Variants in TBC1D19 observed in about 807,000 individuals in gnomAD.
TBC1D19 encodes the protein TBC1 domain family, member 19.
In TBC1D19, 60 loss-of-function variants were observed where a neutral mutation model predicts 89.0. The ratio of observed to expected loss-of-function variants is 0.67; its 90% CI spans 0.55 to 0.84. The LOEUF (loss-of-function observed/expected upper bound fraction) is 0.84. TBC1D19 is among the 40% of genes least tolerant of loss of function. TBC1D19 has a pLI of 0.00. For synonymous variants in TBC1D19, 189 were observed against 199.7 expected (o/e 0.95, Z 0.45); for missense variants, 500 against 610.8 (o/e 0.82, Z 1.91).
chr4:26,744,939 AT>A (rs1363250816), intron 18 of TBC1D19, among the ~76,000 whole-genome samples: 1 of 152,120 alleles, frequency 6.6e-6, no homozygotes, highest in African/African-American at 2.4e-5. Flanking sequence ...TACTTTTTCT[AT>A]TAATTATTGA....
At chr4:26,780,904 C>T in the TBC1D19 span, among the ~76,000 whole-genome samples, 1 of 152,172 alleles carries the variant, frequency 6.6e-6, no homozygotes, top group African/African-American at 2.4e-5. Context: ...TGGAGATTTG[C>T]CATCTATGAG....
chr4:26,714,568 C>A (rs1716454821), intron 13 of TBC1D19, among the ~76,000 whole-genome samples: 1 of 152,016 alleles, frequency 6.6e-6, no homozygotes, highest in African/African-American at 2.4e-5. Flanking sequence ...TCACCAGTGG[C>A]AAATTCAGCA....
At chr4:26,641,953 A>C (rs993274793) in intron 7 of TBC1D19, among the ~76,000 whole-genome samples, 2 of 152,264 alleles carry the variant, frequency 1.3e-5, no homozygotes, top group Admixed American at 6.5e-5. Context: ...TCTACATTTG[A>C]TTGGTATACC....
intron 13 of TBC1D19, among the ~76,000 whole-genome samples, chr4:26,701,184 C>G (rs1177338262): frequency 6.6e-6 from 1 of 152,120 alleles, no homozygotes; most frequent in Non-Finnish European, 1.5e-5. Context: ...CTTCATTTCT[C>G]AATTTTGGAC....
Position 26,717,936 on chromosome 4 carries a change from T to C in TBC1D19, c.958T>C (p.Leu320=). The C allele has an allele frequency of 6.2e-7, 1 of 1,611,244 alleles. No homozygotes were observed. Among genetic ancestry groups the C allele is most frequent in the Non-Finnish European group, 8.5e-7 (1 of 1,178,262 alleles). ...FVFEDYLYQV[L]LCFSRDTSVL... ...TTTTTTCCAATGTTATATTCAGGTA[T>C]TACTTTGTTTTTCCCGGGATACATC... is the stretch of plus-strand genomic sequence containing the variant. Residue 320 remains leucine, a synonymous_variant, in exon 14 of 21, where the codon TTA becomes CTA. Coordinates refer to ENST00000264866, the MANE Select transcript of TBC1D19 (RefSeq NM_018317.4).
chr4:26,759,437 AACTT>A (rs1220739949), downstream of TBC1D19, among the ~76,000 whole-genome samples: 2 of 152,226 alleles, frequency 1.3e-5, no homozygotes, highest in African/African-American at 4.8e-5. Context: ...CATTTAAGTT[AACTT>A]TATTAAGTAT....
At chr4:26,840,789 A>C in the TBC1D19 span, among the ~76,000 whole-genome samples, 1 of 152,134 alleles carries the variant, frequency 6.6e-6, no homozygotes, top group Non-Finnish European at 1.5e-5. Context: ...ATGTTTTGTG[A>C]GTGAAATACG....
chr4:26,659,880 A>G (rs1253215424), intron 8 of TBC1D19, among the ~76,000 whole-genome samples, 173 bp downstream of exon 8: 1 of 152,214 alleles, frequency 6.6e-6, no homozygotes, highest in Non-Finnish European at 1.5e-5. Flanking sequence ...TTGTTTTGCT[A>G]ATAGAACTAA....
chr4:26,814,587 C>T, the TBC1D19 span, among the ~76,000 whole-genome samples: 32 of 152,348 alleles, frequency 2.1e-4, no homozygotes, highest in Admixed American at 1.4e-3. Context: ...TGGGCAGAAG[C>T]ACAGTGCTTT....
chr4:26,765,738 G>A, the TBC1D19 span, among the ~76,000 whole-genome samples: 1 of 152,110 alleles, frequency 6.6e-6, no homozygotes, highest in Non-Finnish European at 1.5e-5. Context: ...AGCAGGAGTT[G>A]TGGTAGTCTC....
intron 15 of TBC1D19, among the ~76,000 whole-genome samples, chr4:26,726,825 G>A (rs954641512): frequency 3.3e-5 from 5 of 152,186 alleles, no homozygotes; most frequent in African/African-American, 9.7e-5. Flanking sequence ...GAAATGAAGA[G>A]AATATTTAAT....
At position 26,718,056 on chromosome 4, in the gene TBC1D19, C is replaced by T. The variant is rs752675671; in HGVS notation, c.1039+39C>T. The T allele has an allele frequency of 2.1e-6, 3 of 1,437,410 alleles. No homozygotes were observed. The Admixed American group carries it at 5.2e-5, about 25-fold the overall frequency. The allele number at this position is 1,437,410 out of a possible 1,614,324, so 89.0% of individuals were successfully genotyped here. A position where few individuals can be genotyped will look rare whatever the true frequency, so the allele number is the denominator to read the frequency against. On this transcript the variant is annotated intron_variant, in intron 14 of 20. Coordinates refer to ENST00000264866, the MANE Select transcript of TBC1D19 (RefSeq NM_018317.4). ...AATTTTAAGGAAGTATTAAGACTTA[C>T]ATAATCATGCCAAGAATATTTGTTT...
intron 13 of TBC1D19, among the ~76,000 whole-genome samples, chr4:26,711,124 C>G (rs1372624884): frequency 6.6e-6 from 1 of 152,002 alleles, no homozygotes; most frequent in Admixed American, 6.6e-5. Context: ...CATGGTATTG[C>G]CTAGGTTTTC....
intron 13 of TBC1D19, chr4:26,702,262 G>A (rs1715390833): frequency 6.6e-6 from 1 of 152,150 alleles, no homozygotes; most frequent in Admixed American, 6.6e-5. Context: ...ACTAATAAGT[G>A]GATGCATATT....
intron 1 of TBC1D19, among the ~76,000 whole-genome samples, chr4:26,595,428 T>C (rs1740146129): frequency 6.6e-6 from 1 of 152,224 alleles, no homozygotes; most frequent in Admixed American, 6.5e-5. Context: ...GAAGTCTGAT[T>C]GATCAATTGT....
At chr4:26,622,517 C>G (rs1742124290) in intron 4 of TBC1D19, among the ~76,000 whole-genome samples, 1 of 152,086 alleles carries the variant, frequency 6.6e-6, no homozygotes, top group African/African-American at 2.4e-5. Context: ...CCTCTCTTTT[C>G]TTTCTGGACT....
the TBC1D19 span, among the ~76,000 whole-genome samples, chr4:26,846,649 T>C: frequency 6.6e-6 from 1 of 152,212 alleles, no homozygotes; most frequent in Non-Finnish European, 1.5e-5. Flanking sequence ...TAGAAAATTA[T>C]TTCCCATCAA....
chr4:26,742,390 C>A, intron 17 of TBC1D19, 118 bp from the exon 18 acceptor site: 1 of 787,226 alleles, frequency 1.3e-6, no homozygotes, highest in East Asian at 2.8e-5. Flanking sequence ...GACTCTTAAA[C>A]AGTATAAAGA....
chr4:26,578,472 A>G (rs960653532), intron 1 of TBC1D19, among the ~76,000 whole-genome samples: 1 of 152,174 alleles, frequency 6.6e-6, no homozygotes, highest in Non-Finnish European at 1.5e-5. Context: ...CAAGAAAGAT[A>G]AAAAAAGATG....
Sources: allele counts gnomAD v4.1 joint callset (sites outside exome capture counted in the v4.1 genomes callset), GRCh38; gene constraint gnomAD v4.1.1; transcripts MANE v1.5; gene names NCBI Gene and HGNC (gene_info 2026-07-23, HGNC 2026-07-21).